ZNF568: variants seen among roughly 807,000 people sequenced by gnomAD.
ZNF568 encodes the protein zinc finger protein 568.
In ZNF568, 11 loss-of-function variants were observed where a neutral mutation model predicts 18.1. The ratio of observed to expected loss-of-function variants is 0.61; its 90% CI spans 0.38 to 1.00. The LOEUF is 1.00. Ranked by LOEUF, ZNF568 falls within the 50% of genes least tolerant of loss-of-function variation. The pLI, the probability that ZNF568 is intolerant of heterozygous loss-of-function variation, is 0.01. For missense variants in ZNF568, 639 were observed against 768.2 expected, an observed-to-expected ratio of 0.83 and a Z score of 1.99; for synonymous variants, 213 against 246.6, an observed-to-expected ratio of 0.86 and a Z score of 1.28.
intron 7 of ZNF568, among the ~76,000 whole-genome samples, chr19:36,976,602 A>G (rs1360798191): frequency 6.6e-6 from 1 of 152,188 alleles, no homozygotes; most frequent in East Asian, 1.9e-4. Context: ...CTCGCCTCAA[A>G]GTTACGCAGT....
intron 6 of ZNF568, among the ~76,000 whole-genome samples, chr19:36,967,814 T>C (rs912307024): frequency 4.6e-5 from 7 of 152,208 alleles, no homozygotes; most frequent in African/African-American, 1.4e-4. Context: ...AGTTGTTTCA[T>C]CACAATGGTC....
At chr19:36,997,166 C>T in exon 5 of ZNF568, 1 of 1,592,738 alleles carries the variant, frequency 6.3e-7, no homozygotes, top group Non-Finnish European at 8.5e-7. Flanking sequence ...AGTTGTGCCT[C>T]ACAGCTGAGT....
chr19:36,919,285 G>T, intron 2 of ZNF568, among the ~76,000 whole-genome samples: 1 of 148,216 alleles, frequency 6.7e-6, no homozygotes, highest in Non-Finnish European at 1.5e-5. Flanking sequence ...TTTATGTTGA[G>T]GGGGGTGGGT....
chr19:36,983,130 T>C (rs748848112), downstream of ZNF568, among the ~76,000 whole-genome samples: 12 of 152,340 alleles, frequency 7.9e-5, no homozygotes, highest in Non-Finnish European at 1.8e-4. Flanking sequence ...ATAACCACAT[T>C]CATCCATTTA....
rs769044095 is a variant in ZNF568, at chr19:36,936,897, A to G, written c.262+25A>G. On this transcript the variant is annotated intron_variant, in intron 5 of 6. Transcript: ENST00000333987. Reference sequence around the variant, plus strand: ...GGTAAGGTGGCTTGGTAGCCTTGCAATTTAACAGAGAATTCTTTTCCATTT... The same window carrying G: ...GGTAAGGTGGCTTGGTAGCCTTGCAGTTTAACAGAGAATTCTTTTCCATTT... 5 of 1,606,954 alleles carry G rather than the reference A, an allele frequency of 3.1e-6. No individual in the cohort carries two copies. The East Asian group carries it at 6.7e-5, about 22-fold the overall frequency.
chr19:36,966,212 G>A (rs2074193564), intron 6 of ZNF568, among the ~76,000 whole-genome samples: 1 of 152,068 alleles, frequency 6.6e-6, no homozygotes, highest in Admixed American at 6.6e-5. Flanking sequence ...CTTAAACTGG[G>A]GAGGTGGAGG....
chr19:36,975,883 A>T (rs2074281216), intron 7 of ZNF568, among the ~76,000 whole-genome samples: 1 of 150,754 alleles, frequency 6.6e-6, no homozygotes, highest in Admixed American at 6.6e-5. Flanking sequence ...TTTAGTAGAG[A>T]TGGGGTTTCA....
At chr19:36,936,983 C>T in intron 5 of ZNF568, 111 bp downstream of exon 5, 1 of 1,404,552 alleles carries the variant, frequency 7.1e-7, no homozygotes. Flanking sequence ...CTCCATGTGA[C>T]TATATGTGCT....
chr19:36,994,027 CT>C (rs957436024), intron 4 of ZNF568, among the ~76,000 whole-genome samples: 146 of 133,100 alleles, frequency 1.1e-3, no homozygotes, highest in African/African-American at 1.5e-3. Context: ...GTTTTTTTTT[CT>C]TTTTTTTTTT....
At chr19:36,940,198 G>A (rs2073857566) in intron 6 of ZNF568, among the ~76,000 whole-genome samples, 1 of 152,204 alleles carries the variant, frequency 6.6e-6, no homozygotes, top group African/African-American at 2.4e-5. Context: ...CTCTAGAAAT[G>A]ACAGCATTGG....
chr19:36,997,092 C>A, exon 5 of ZNF568: 3 of 1,564,784 alleles, frequency 1.9e-6, no homozygotes, highest in Non-Finnish European at 2.6e-6. Flanking sequence ...CACAGCTGAG[C>A]CTTCATCAGA....
intron 6 of ZNF568, among the ~76,000 whole-genome samples, chr19:36,942,703 T>C (rs1360481346): frequency 6.6e-6 from 1 of 152,058 alleles, no homozygotes; most frequent in Non-Finnish European, 1.5e-5. Context: ...ATTTGTTTAC[T>C]CTGTTTCTCT....
intron 4 of ZNF568, among the ~76,000 whole-genome samples, chr19:36,935,559 CAAAA>C (rs35289380): frequency 1.1e-4 from 14 of 127,166 alleles, no homozygotes; most frequent in Non-Finnish European, 1.0e-4. Flanking sequence ...GACTCTGTAT[CAAAA>C]AAAAAAAAAA....
chr19:36,922,728 G>A lies in ZNF568; in HGVS notation c.-43G>A. 6.3e-7 allele frequency: 1 copy of A among 1,588,784 alleles called. No homozygotes were observed. Among genetic ancestry groups the A allele is most frequent in the Non-Finnish European group, 8.6e-7 (1 of 1,158,916 alleles). ...AAAGAGAGTGGACCCTGGAGTTGCTGGAGCTTGTCTTGACCCTTCTGCCCA... is the reference window on the plus strand; with the variant it reads ...AAAGAGAGTGGACCCTGGAGTTGCTAGAGCTTGTCTTGACCCTTCTGCCCA... On this transcript the variant is annotated 5_prime_UTR_variant, in exon 3 of 7. Coordinates refer to ENST00000333987, the MANE Select transcript of ZNF568 (RefSeq NM_198539.4).
downstream of ZNF568, chr19:36,980,073 A>G (rs1051510154): frequency 4.6e-5 from 7 of 151,358 alleles, no homozygotes; most frequent in Admixed American, 2.0e-4. Flanking sequence ...ATTGATTTTT[A>G]TATTTCCAGA....
chr19:36,969,735 C>T (rs575230784), intron 6 of ZNF568, among the ~76,000 whole-genome samples: 2 of 150,968 alleles, frequency 1.3e-5, no homozygotes, highest in South Asian at 2.1e-4. Flanking sequence ...TTTAAGGACC[C>T]TTGTTGGGCC....
Position 36,996,675 on chromosome 19 carries a change from G to GA in ZNF568, c.589dup (p.Ile197AsnfsTer2), listed in dbSNP as rs2074475088. 5.2e-6 allele frequency: 8 copies of GA among 1,535,528 alleles called. No homozygotes were observed. The highest frequency in any genetic ancestry group is 7.0e-6 in the Non-Finnish European group (8 of 1,146,768). On this transcript the variant is annotated frameshift_variant, in exon 5 of 5. Transcript: ENST00000433993. LOFTEE classifies it low-confidence loss of function (END_TRUNC). ...AAATCTTTAATAGTGGATCAGACTT[G>GA]ATTAAGCATCAGACGCTTCATGAAA...
At chr19:36,939,783 C>A (rs990561525) in intron 6 of ZNF568, among the ~76,000 whole-genome samples, 1 of 152,120 alleles carries the variant, frequency 6.6e-6, no homozygotes, top group Non-Finnish European at 1.5e-5. Flanking sequence ...TCGTGATCCG[C>A]CCACCTCGGC....
At chr19:36,991,436 C>T in intron 3 of ZNF568, 1 of 1,197,128 alleles carries the variant, frequency 8.4e-7, no homozygotes, top group Non-Finnish European at 1.1e-6. Flanking sequence ...TTCTTGCTCA[C>T]CAAAAGAATG....
Sources: allele counts gnomAD v4.1 joint callset (sites outside exome capture counted in the v4.1 genomes callset), GRCh38; gene constraint gnomAD v4.1.1; transcripts MANE v1.5; gene names NCBI Gene and HGNC (gene_info 2026-07-23, HGNC 2026-07-21).